The following FAIM2 variants were observed in gnomAD, a reference collection of about 807,000 sequenced individuals.
FAIM2 encodes protein lifeguard 2.
In FAIM2, 27 loss-of-function variants were observed where a neutral mutation model predicts 47.4. The ratio of observed to expected loss-of-function variants is 0.57; its 90% confidence interval spans 0.42 to 0.78. The LOEUF (loss-of-function observed/expected upper bound fraction) is 0.78. Among genes scored for constraint, FAIM2 ranks in the 30% least tolerant of loss-of-function variants. The pLI, the probability that FAIM2 is intolerant of heterozygous loss-of-function variation, is 0.00. For missense variants in FAIM2, 311 were observed against 389.4 expected (o/e 0.80, Z 1.69); for synonymous variants, 156 against 159.3 (o/e 0.98, Z 0.16).
chr12:49,892,510 A>G (rs1466578322), intron 5 of FAIM2, among the ~76,000 whole-genome samples: 1 of 152,070 alleles, frequency 6.6e-6, no homozygotes, highest in African/African-American at 2.4e-5. Flanking sequence ...ACATCACAGG[A>G]CCTTATTGAG....
intron 11 of FAIM2, among the ~76,000 whole-genome samples, chr12:49,873,476 G>A (rs1452494638): frequency 1.3e-5 from 2 of 152,092 alleles, no homozygotes; most frequent in Non-Finnish European, 2.9e-5. Flanking sequence ...GGGCCACTTG[G>A]CAGTCACAGC....
chr12:49,881,537 G>A (rs1426358140), intron 11 of FAIM2, among the ~76,000 whole-genome samples: 1 of 151,908 alleles, frequency 6.6e-6, no homozygotes, highest in Non-Finnish European at 1.5e-5. Context: ...TCTCAGCTGC[G>A]GCTAGAAGCC....
intron 11 of FAIM2, among the ~76,000 whole-genome samples, chr12:49,883,111 C>T (rs563832926): frequency 1.5e-4 from 23 of 152,222 alleles, no homozygotes; most frequent in African/African-American, 4.8e-4. Context: ...TCACACAGCA[C>T]GAGTCCAGTG....
rs1364331314 is a variant in FAIM2, at chr12:49,870,555, G to A, written c.900C>T (p.Ile300=). 1 of 1,613,818 alleles carries A rather than the reference G, an allele frequency of 6.2e-7. No individual in the cohort carries two copies. The highest frequency in any genetic ancestry group is 8.5e-7 in the Non-Finnish European group (1 of 1,179,864). Residue 300 remains isoleucine (I), a synonymous_variant, in exon 12 of 12, where the codon ATC becomes ATT. Coordinates refer to ENST00000320634, the MANE Select transcript of FAIM2 (RefSeq NM_012306.4). ...GCAGGAAGAAGGTGAAGATATAGAT[G>A]ATGTCTAGGTAAATGTTGAGGGCTC... The part of the protein sequence containing the change: ...IFGALNIYLD[I]IYIFTFFLQL...
At chr12:49,900,452 G>A (rs960479370) in intron 2 of FAIM2, among the ~76,000 whole-genome samples, 2 of 152,092 alleles carry the variant, frequency 1.3e-5, no homozygotes, top group African/African-American at 4.8e-5. Flanking sequence ...TGACCCAACA[G>A]AGCAGCTCCT....
chr12:49,878,155 T>A (rs111203854), intron 11 of FAIM2, among the ~76,000 whole-genome samples: 2,129 of 114,394 alleles, frequency 0.019, 403 homozygotes, highest in African/African-American at 0.072. Flanking sequence ...AGTGTGTGTA[T>A]GAGTGTATGT....
intron 6 of FAIM2, 78 bp from the exon 7 acceptor site, chr12:49,890,800 A>T (rs113855392): frequency 0.081 from 105,345 of 1,302,318 alleles, 5,020 homozygotes; most frequent in Non-Finnish European, 0.098. Flanking sequence ...TGTTGCAGGG[A>T]GGGGGTCTCT....
chr12:49,889,368 C>T, intron 9 of FAIM2, 113 bp downstream of exon 9: 1 of 1,075,320 alleles, frequency 9.3e-7, no homozygotes, highest in Non-Finnish European at 1.4e-6. Flanking sequence ...CCCAACTCAC[C>T]CCCTTTACTT....
chr12:49,888,247 G>A (rs1231394044), intron 10 of FAIM2, among the ~76,000 whole-genome samples: 1 of 152,196 alleles, frequency 6.6e-6, no homozygotes, highest in Non-Finnish European at 1.5e-5. Context: ...ACAGGATCCT[G>A]GGAAGAGCCA....
In FAIM2 at chr12:49,870,220, C is replaced by G; in HGVS notation, c.*284G>C. 2 of 341,490 alleles carry G rather than the reference C, an allele frequency of 5.9e-6. No individual in the cohort carries two copies. The highest frequency in any genetic ancestry group is 8.7e-4 in the Middle Eastern group (1 of 1,144). The allele number at this position is 341,490 out of a possible 1,614,324, so 21.2% of individuals were successfully genotyped here. ...CCTGCTAGGCTTCTCCTCCTTGTCC[C>G]TTGGACCCTCAAACCCAGAGGAGCC... On this transcript the variant is annotated 3_prime_UTR_variant, in exon 12 of 12. Coordinates refer to ENST00000320634, the MANE Select transcript of FAIM2 (RefSeq NM_012306.4).
chr12:49,894,928 T>C (rs1946925382), intron 5 of FAIM2, among the ~76,000 whole-genome samples: 1 of 152,164 alleles, frequency 6.6e-6, no homozygotes, highest in Admixed American at 6.5e-5. Flanking sequence ...GCTCCTATTG[T>C]TATTCCAAAA....
intron 5 of FAIM2, among the ~76,000 whole-genome samples, chr12:49,894,993 G>A (rs1946925936): frequency 6.6e-6 from 1 of 152,124 alleles, no homozygotes; most frequent in Non-Finnish European, 1.5e-5. Context: ...CAGGAGGTGA[G>A]ACCTACCAGG....
At chr12:49,889,924 G>A (rs896798927) in intron 8 of FAIM2, among the ~76,000 whole-genome samples, 193 bp downstream of exon 8, 2 of 151,920 alleles carry the variant, frequency 1.3e-5, no homozygotes, top group Non-Finnish European at 2.9e-5. Context: ...CCTATCCACC[G>A]GGCCAGGTCT....
chr12:49,874,459 G>C lies in FAIM2; in HGVS notation c.802-3806C>G, dbSNP rs1365461238. Among the ~76,000 whole-genome samples, 1 of 152,180 alleles carries C rather than the reference G, an allele frequency of 6.6e-6. No individual in the cohort carries two copies. Among genetic ancestry groups the C allele is most frequent in the African/African-American group, 2.4e-5 (1 of 41,436 alleles). ...AGGGAGGGAGGGAGCATGTGCAGAGGGCACAGGTGCCAAAGGCAAACTTCC... is the reference window on the plus strand; with the variant it reads ...AGGGAGGGAGGGAGCATGTGCAGAGCGCACAGGTGCCAAAGGCAAACTTCC... On this transcript the variant is annotated intron_variant, in intron 11 of 11. Coordinates refer to ENST00000320634, the MANE Select transcript of FAIM2 (RefSeq NM_012306.4). This position sits in a 1 kb window ranked among gnomAD's most constrained non-coding sequence, Gnocchi z 4.2.
intron 11 of FAIM2, among the ~76,000 whole-genome samples, chr12:49,880,707 T>G (rs1317157126): frequency 2.1e-5 from 3 of 143,448 alleles, no homozygotes; most frequent in African/African-American, 8.1e-5. Context: ...TGAGTCCATG[T>G]GTGTACATGC....
At position 49,889,080 on chromosome 12, in the gene FAIM2, G is replaced by T. The variant is rs138943643; in HGVS notation, c.747+27C>A. ...CAGTGGGGCCCCTCCCTCCCCATGG[G>T]GCCTGCTGGGGGACCCAGAGACTCA... On this transcript the variant is annotated intron_variant, in intron 10 of 11. Transcript: ENST00000320634. The T allele has an allele frequency of 2.1e-3, 3,302 of 1,562,532 alleles. 49 individuals carry two copies. The African/African-American group carries it at 0.037, about 18-fold the overall frequency.
intron 2 of FAIM2, among the ~76,000 whole-genome samples, chr12:49,900,729 C>T (rs905425760): frequency 6.6e-6 from 1 of 152,164 alleles, no homozygotes; most frequent in African/African-American, 2.4e-5. Context: ...ACTGCACCCC[C>T]ACTCACAGGG....
chr12:49,895,704 A>G (rs1946931619), intron 5 of FAIM2, among the ~76,000 whole-genome samples: 2 of 152,276 alleles, frequency 1.3e-5, no homozygotes, highest in South Asian at 2.1e-4. Context: ...GGTCCTTACC[A>G]TCAGCCTCTG....
rs1946895795 is a variant in FAIM2, at chr12:49,890,943, CCA to C, written c.485+119_485+120del. On this transcript the variant is annotated intron_variant, in intron 6 of 11. Coordinates refer to ENST00000320634, the MANE Select transcript of FAIM2 (RefSeq NM_012306.4). ...GAGGGGCTGCCTGCTCGATAGAGGC[CCA>C]GAGAGGGATGGGGCCCTCTCAGGGC... is the stretch of plus-strand genomic sequence containing the variant. The C allele has an allele frequency of 2.1e-5, 22 of 1,025,388 alleles. No homozygotes were observed. The South Asian group carries it at 2.8e-4, about 13-fold the overall frequency. The allele number at this position is 1,025,388 out of a possible 1,614,324, so 63.5% of individuals were successfully genotyped here. A position where few individuals can be genotyped will look rare whatever the true frequency, so the allele number is the denominator to read the frequency against.
Sources: allele counts gnomAD v4.1 joint callset (sites outside exome capture counted in the v4.1 genomes callset), GRCh38; gene constraint gnomAD v4.1.1; non-coding constraint Gnocchi (gnomAD v3.1); transcripts MANE v1.5; gene names NCBI Gene and HGNC (gene_info 2026-07-23, HGNC 2026-07-21).